Variants in MCM6 observed in about 807,000 individuals in gnomAD.
MCM6 encodes the protein DNA replication licensing factor MCM6.
MCM6 carries 46 observed loss-of-function variants against 94.3 expected under a neutral mutation model. The observed-to-expected ratio is 0.49, with a 90% CI of 0.39 to 0.62. The LOEUF (loss-of-function observed/expected upper bound fraction) is 0.62, where lower values mean the gene tolerates loss of function less well. Among genes scored for constraint, MCM6 ranks in the 20% least tolerant of loss-of-function variants. The pLI is 0.00. For synonymous variants in MCM6, 335 were observed against 351.9 expected (o/e 0.95, Z 0.54); for missense variants, 865 against 1,017.9 (o/e 0.85, Z 2.04).
chr2:135,876,428 G>C lies in MCM6; in HGVS notation c.-63C>G. 2.1e-6 allele frequency: 3 copies of C among 1,416,376 alleles called. No individual in the cohort carries two copies. The highest frequency in any genetic ancestry group is 2.9e-6 in the Non-Finnish European group (3 of 1,050,738). 87.7% of individuals were successfully genotyped at this position (1,416,376 alleles called of 1,614,324 possible). A position where few individuals can be genotyped will look rare whatever the true frequency, so the allele number is the denominator to read the frequency against. On this transcript the variant is annotated 5_prime_UTR_variant, in exon 1 of 17. Coordinates refer to ENST00000264156, the MANE Select transcript of MCM6 (RefSeq NM_005915.6). ...GACCGCCACAAGTCGCTTTTTTCCAGACGCTGCAGCTTTGCGCGCGCCGCC... is the reference window on the plus strand; with the variant it reads ...GACCGCCACAAGTCGCTTTTTTCCACACGCTGCAGCTTTGCGCGCGCCGCC...
At chr2:135,875,035 G>A (rs1294412891) in intron 1 of MCM6, among the ~76,000 whole-genome samples, 3 of 152,192 alleles carry the variant, frequency 2.0e-5, no homozygotes, top group Non-Finnish European at 4.4e-5. Context: ...TAACGGAGGA[G>A]AGTTCGTGTT....
At chr2:135,858,482 A>G (rs1679931662) in intron 9 of MCM6, among the ~76,000 whole-genome samples, 1 of 151,976 alleles carries the variant, frequency 6.6e-6, no homozygotes, top group African/African-American at 2.4e-5. Context: ...GCAAGACTTC[A>G]TCACGAAAAA....
intron 9 of MCM6, among the ~76,000 whole-genome samples, chr2:135,858,432 A>G (rs1038169636): frequency 6.6e-6 from 1 of 152,172 alleles, no homozygotes; most frequent in African/African-American, 2.4e-5. Context: ...GGTTGCAGTG[A>G]GCCAAGGTTG....
intron 15 of MCM6, 94 bp downstream of exon 15, chr2:135,846,143 C>T: frequency 7.7e-7 from 1 of 1,298,058 alleles, no homozygotes; most frequent in Non-Finnish European, 1.1e-6. Flanking sequence ...TCTCTTCCGA[C>T]AGAACAACAC....
In MCM6 at chr2:135,867,115, A is replaced by G. The variant is rs1416355943; in HGVS notation, c.616-387T>C. On this transcript the variant is annotated intron_variant, in intron 4 of 16. Coordinates refer to ENST00000264156, the MANE Select transcript of MCM6 (RefSeq NM_005915.6). ...TTCAAATACACCTTTTATACCCTCC[A>G]CTTCAACACAACTGCTAACATTATT... Among the ~76,000 whole-genome samples the G allele has an allele frequency of 2.6e-5, 4 of 152,222 alleles. No individual in the cohort carries two copies. In the East Asian group the frequency reaches 7.7e-4, roughly 29 times the overall value.
chr2:135,866,364 C>T, intron 5 of MCM6, 87 bp from the exon 6 acceptor site: 1 of 1,513,746 alleles, frequency 6.6e-7, no homozygotes, highest in Admixed American at 1.8e-5. Context: ...AGCTATAAAT[C>T]CAAAGACTTC....
chr2:135,868,183 T>C (rs1170985727), intron 4 of MCM6, among the ~76,000 whole-genome samples: 1 of 152,254 alleles, frequency 6.6e-6, no homozygotes, highest in African/African-American at 2.4e-5. Flanking sequence ...ATCTCTCAGA[T>C]GATCTCCAAT....
chr2:135,868,952 G>A, intron 3 of MCM6, 92 bp from the exon 4 acceptor site: 1 of 1,273,562 alleles, frequency 7.9e-7, no homozygotes, highest in African/African-American at 1.5e-5. Context: ...GATAATTTAT[G>A]TTTAAAAAAA....
At chr2:135,873,693 T>A (rs1255985496) in intron 1 of MCM6, among the ~76,000 whole-genome samples, 1 of 152,240 alleles carries the variant, frequency 6.6e-6, no homozygotes, top group African/African-American at 2.4e-5. Flanking sequence ...AAAATGGCAG[T>A]GTTGTTCCTG....
intron 1 of MCM6, among the ~76,000 whole-genome samples, chr2:135,875,524 G>A (rs910061989): frequency 6.6e-6 from 1 of 152,140 alleles, no homozygotes; most frequent in Non-Finnish European, 1.5e-5. Context: ...CCAAACTGCT[G>A]ACCCTTCATC....
intron 11 of MCM6, among the ~76,000 whole-genome samples, chr2:135,854,270 C>T (rs1026942415): frequency 9.2e-5 from 14 of 151,836 alleles, no homozygotes; most frequent in Middle Eastern, 6.4e-3. Context: ...CGGTGGCTCA[C>T]GCCTGTAACC....
chr2:135,846,377 G>C lies in MCM6; in HGVS notation c.2069C>G (p.Pro690Arg). Residue 690 changes from proline to arginine, a missense_variant, in exon 15 of 17, where the codon CCT becomes CGT. Pro to Arg is a moderately radical substitution (Grantham distance 103). Coordinates refer to ENST00000264156, the MANE Select transcript of MCM6 (RefSeq NM_005915.6). The stretch of plus-strand genomic sequence containing the variant: ...GCCATTGATCCCGTTCACAGGAGCA[G>C]GGCTGTCAGCATGACCTAAGTGAAA... The part of the protein sequence containing the change: ...AGGINGHADS[P>R]APVNGINGYN... The C allele has an allele frequency of 2.2e-5, 35 of 1,614,072 alleles. No individual in the cohort carries two copies. The highest frequency in any genetic ancestry group is 2.9e-5 in the Non-Finnish European group (34 of 1,179,968).
At chr2:135,858,678 C>CTTTT (rs1679934798) in intron 9 of MCM6, among the ~76,000 whole-genome samples, 1 of 152,148 alleles carries the variant, frequency 6.6e-6, no homozygotes, top group African/African-American at 2.4e-5. Flanking sequence ...AAACTAAGAG[C>CTTTT]ATAACTAAAA....
Position 135,865,039 on chromosome 2 carries a change from CAA to C in MCM6, c.1050_1051del (p.Cys351TyrfsTer11). 6.6e-7 allele frequency: 1 copy of C among 1,520,500 alleles called. No individual in the cohort carries two copies. The highest frequency in any genetic ancestry group is 8.8e-7 in the Non-Finnish European group (1 of 1,134,262). The allele number at this position is 1,520,500 out of a possible 1,614,324, so 94.2% of individuals were successfully genotyped here. ...ATGTATAGTAGGGAACAGGCTGGTA[CAA>C]AGATTGTGGTATAGATTTTTATCTT... On this transcript the variant is annotated frameshift_variant, in exon 7 of 17. Coordinates refer to ENST00000264156, the MANE Select transcript of MCM6 (RefSeq NM_005915.6). LOFTEE classifies it high-confidence loss of function.
rs761299275 is a variant in MCM6, at chr2:135,852,827, A to C, written c.1715T>G (p.Ile572Ser). 1.2e-6 allele frequency: 2 copies of C among 1,609,644 alleles called. No homozygotes were observed. The highest frequency in any genetic ancestry group is 1.7e-5 in the Admixed American group (1 of 59,124). The change falls in exon 12 of 17, where the codon ATC becomes AGC. Residue 572 changes from isoleucine (I) to serine (S), a missense_variant. Physicochemically the swap from Ile to Ser is moderately radical, Grantham distance 142. Transcript: ENST00000264156. ...SIDRVYSLDD[I>S]RRYLLFARQF... The stretch of plus-strand genomic sequence containing the variant: ...TCTTGCAAAGAGAAGATATCTTCTG[A>C]TATCATCGAGGGAATAGACACGATC...
intron 11 of MCM6, among the ~76,000 whole-genome samples, chr2:135,854,317 G>T (rs1679831090): frequency 6.6e-6 from 1 of 152,020 alleles, no homozygotes; most frequent in African/African-American, 2.4e-5. Flanking sequence ...ATCACCTGAG[G>T]TCAGGAGTTT....
intron 11 of MCM6, among the ~76,000 whole-genome samples, chr2:135,853,668 T>G (rs1034142280): frequency 6.6e-6 from 1 of 151,708 alleles, no homozygotes; most frequent in Admixed American, 6.6e-5. Context: ...AGGATTTGAA[T>G]AGTCTAGCTT....
At chr2:135,844,921 T>G (rs3739020) in intron 15 of MCM6, among the ~76,000 whole-genome samples, 51,889 of 152,058 alleles carry the variant, frequency 0.34, 9,976 homozygotes, top group Middle Eastern at 0.69. Context: ...CCTAATAAAA[T>G]AGATTATAAG....
intron 3 of MCM6, 133 bp from the exon 4 acceptor site, chr2:135,868,993 C>T (rs1680152401): frequency 1.3e-6 from 1 of 770,720 alleles, no homozygotes; most frequent in African/African-American, 1.8e-5. Context: ...TCTTTGGACT[C>T]TCCTATAAGA....
Sources: allele counts gnomAD v4.1 joint callset (sites outside exome capture counted in the v4.1 genomes callset), GRCh38; gene constraint gnomAD v4.1.1; transcripts MANE v1.5; gene names NCBI Gene and HGNC (gene_info 2026-07-23, HGNC 2026-07-21).